The following RCC2 variants were observed in gnomAD, a reference collection of about 807,000 sequenced individuals.
RCC2 encodes regulator of chromosome condensation 2.
Under a neutral mutation model 64.1 loss-of-function variants are expected in RCC2, and 19 were observed. That is an observed-to-expected ratio of 0.30 (90% confidence interval 0.21 to 0.44). The LOEUF (loss-of-function observed/expected upper bound fraction) is 0.44, where lower values mean the gene tolerates loss of function less well. RCC2 is among the 20% of genes least tolerant of loss of function. RCC2 has a pLI of 1.00. For synonymous variants in RCC2, 325 were observed against 279.6 expected, an observed-to-expected ratio of 1.16 and a Z score of -1.62; for missense variants, 508 against 710.4, an observed-to-expected ratio of 0.72 and a Z score of 3.24.
At chr1:17,422,866 G>C (rs1557627732) in intron 4 of RCC2, 30 bp from the exon 5 acceptor site, 1 of 1,613,044 alleles carries the variant, frequency 6.2e-7, no homozygotes. Context: ...AAGTAGAAAA[G>C]AGAGAGGGTG....
At chr1:17,421,623 T>C (rs140230005) in intron 6 of RCC2, among the ~76,000 whole-genome samples, 1 of 152,160 alleles carries the variant, frequency 6.6e-6, no homozygotes. Context: ...CTCACTTTCT[T>C]TGGAACAGAA....
chr1:17,437,980 G>A (rs1338903105), intron 2 of RCC2, among the ~76,000 whole-genome samples: 1 of 145,344 alleles, frequency 6.9e-6, no homozygotes, highest in African/African-American at 2.5e-5. Flanking sequence ...GCGGGCCCGG[G>A]CGCGCGCCCC....
chr1:17,429,378 C>T (rs548316094), intron 2 of RCC2, among the ~76,000 whole-genome samples, 179 bp from the exon 3 acceptor site: 14 of 152,296 alleles, frequency 9.2e-5, no homozygotes, highest in African/African-American at 2.9e-4. Context: ...AGTGGCAATG[C>T]GGGCAACCCC....
intron 2 of RCC2, among the ~76,000 whole-genome samples, chr1:17,437,880 T>G: frequency 7.0e-6 from 1 of 142,826 alleles, no homozygotes; most frequent in Non-Finnish European, 1.6e-5. Context: ...GAGGTCCCCT[T>G]TCCCGGGGCG....
chr1:17,419,721 C>T (rs1275055656), intron 7 of RCC2, among the ~76,000 whole-genome samples: 1 of 152,250 alleles, frequency 6.6e-6, no homozygotes, highest in Middle Eastern at 3.4e-3. Context: ...ATCGACTTGC[C>T]GGGGTGCAGA....
At chr1:17,418,032 G>C in intron 7 of RCC2, among the ~76,000 whole-genome samples, 1 of 129,392 alleles carries the variant, frequency 7.7e-6, no homozygotes, top group East Asian at 2.0e-4. Context: ...CAAATACTAT[G>C]CCATTTTATA....
chr1:17,438,057 C>A lies in RCC2; in HGVS notation c.285+173G>T, dbSNP rs2075758938. 5.4e-5 allele frequency among the ~76,000 whole-genome samples: 8 copies of A among 147,064 alleles called. No homozygotes were observed. The South Asian group carries it at 1.7e-3, about 31-fold the overall frequency. On this transcript the variant is annotated intron_variant, in intron 2 of 12. Coordinates refer to ENST00000375436, the MANE Select transcript of RCC2 (RefSeq NM_018715.4). ...GCGGGCCGCGCGCCCCGTACCGAGC[C>A]CTTTTGTTGCGCGGAGGCGGAGGCA...
chr1:17,437,702 C>A (rs570914462), intron 2 of RCC2, among the ~76,000 whole-genome samples: 2 of 146,870 alleles, frequency 1.4e-5, no homozygotes, highest in Non-Finnish European at 3.0e-5. Context: ...AGGCCCCGCC[C>A]CCCCCGGGCG....
intron 7 of RCC2, among the ~76,000 whole-genome samples, chr1:17,418,663 AC>A (rs1246692385): frequency 3.9e-5 from 6 of 152,094 alleles, no homozygotes; most frequent in Non-Finnish European, 5.9e-5. Flanking sequence ...ATCAAAAAAA[AC>A]AATAAAAGTC....
chr1:17,413,509 G>A (rs1361741947), intron 9 of RCC2, 28 bp downstream of exon 9: 4 of 1,611,976 alleles, frequency 2.5e-6, no homozygotes, highest in Admixed American at 1.7e-5. Flanking sequence ...CCAGAGCACT[G>A]ATAAGCCAGG....
In RCC2 at chr1:17,409,030, G is replaced by A. The variant is rs2075396205; in HGVS notation, c.*60C>T. ...ATTCCTCGTTTGACTTCCCGTCCCA[G>A]TGCACATGGAAATGACAGCTGCCGC... On this transcript the variant is annotated 3_prime_UTR_variant, in exon 13 of 13. Coordinates refer to ENST00000375436, the MANE Select transcript of RCC2 (RefSeq NM_018715.4). The A allele has an allele frequency of 8.0e-7, 1 of 1,257,714 alleles. No homozygotes were observed. The highest frequency in any genetic ancestry group is 1.2e-6 in the Non-Finnish European group (1 of 855,730). The allele number at this position is 1,257,714 out of a possible 1,614,324, so 77.9% of individuals were successfully genotyped here.
At chr1:17,420,587 C>T (rs1049407486) in intron 7 of RCC2, 127 bp downstream of exon 7, 7 of 541,036 alleles carry the variant, frequency 1.3e-5, no homozygotes, top group South Asian at 3.8e-5. Flanking sequence ...ATCCACTTAA[C>T]GGACAAAGGC....
chr1:17,424,150 C>T (rs916167328), intron 4 of RCC2, among the ~76,000 whole-genome samples: 4 of 152,186 alleles, frequency 2.6e-5, no homozygotes, highest in East Asian at 1.9e-4. Context: ...ATGAGCAATG[C>T]GTCAGCCACC....
Position 17,438,217 on chromosome 1 carries a change from G to A in RCC2, c.285+13C>T. The A allele has an allele frequency of 7.8e-7, 1 of 1,278,470 alleles. No individual in the cohort carries two copies. The highest frequency in any genetic ancestry group is 1.9e-5 in the South Asian group (1 of 52,620). The allele number at this position is 1,278,470 out of a possible 1,614,324, so 79.2% of individuals were successfully genotyped here. A position where few individuals can be genotyped will look rare whatever the true frequency, so the allele number is the denominator to read the frequency against. On this transcript the variant is annotated intron_variant, in intron 2 of 12. Transcript: ENST00000375436. ...GGCCCTGCGCCCACCCGTCTACCCTGACCCTCACTCACGACGCGCTCCTTG... is the reference window on the plus strand; with the variant it reads ...GGCCCTGCGCCCACCCGTCTACCCTAACCCTCACTCACGACGCGCTCCTTG...
At chr1:17,431,333 CAAAAAA>C (rs1168877538) in intron 2 of RCC2, among the ~76,000 whole-genome samples, 3 of 9,660 alleles carry the variant, frequency 3.1e-4, no homozygotes, top group African/African-American at 9.7e-4. Flanking sequence ...GACTCCATCT[CAAAAAA>C]AAAAAAAAAA....
At chr1:17,438,829 T>C (rs2075773843) in intron 1 of RCC2, among the ~76,000 whole-genome samples, 1 of 151,974 alleles carries the variant, frequency 6.6e-6, no homozygotes, top group African/African-American at 2.4e-5. Flanking sequence ...AGTTGCAACC[T>C]CGCCCCCCAA....
At chr1:17,432,047 C>A (rs1333218855) in intron 2 of RCC2, among the ~76,000 whole-genome samples, 1 of 152,066 alleles carries the variant, frequency 6.6e-6, no homozygotes, top group African/African-American at 2.4e-5. Flanking sequence ...GAGATCACAC[C>A]ATTGCACTCC....
rs941664201 is a variant in RCC2 at position 17,410,141 on chromosome 1, T to C, written c.1387-90A>G. ...CACGGCAACATTTCCTGGCCCCCAC[T>C]AACCAGAAGCCAGTGATGATGCCCT... On this transcript the variant is annotated intron_variant, in intron 11 of 12. Transcript: ENST00000375436. 1.5e-5 allele frequency: 18 copies of C among 1,173,244 alleles called. No individual in the cohort carries two copies. In the South Asian group the frequency reaches 2.2e-4, roughly 14 times the overall value. 72.7% of individuals were successfully genotyped at this position (1,173,244 alleles called of 1,614,324 possible).
intron 11 of RCC2, among the ~76,000 whole-genome samples, chr1:17,410,503 AGC>A (rs2075412653): frequency 6.6e-6 from 1 of 152,248 alleles, no homozygotes. Context: ...AAAGGGCTTA[AGC>A]GTGACAGGGA....
Sources: allele counts gnomAD v4.1 joint callset (sites outside exome capture counted in the v4.1 genomes callset), GRCh38; gene constraint gnomAD v4.1.1; transcripts MANE v1.5; gene names NCBI Gene and HGNC (gene_info 2026-07-23, HGNC 2026-07-21).